Variants in HM13 observed in about 807,000 individuals in gnomAD.
HM13 encodes histocompatibility minor 13, also known as signal peptide peptidase.
A neutral mutation model predicts 50.0 loss-of-function variants in HM13; 18 were observed. The ratio of observed to expected loss-of-function variants is 0.36; its 90% CI spans 0.25 to 0.53. HM13 has a LOEUF of 0.53. HM13 is among the 20% of genes least tolerant of loss of function. HM13 has a pLI of 0.90. For synonymous variants in HM13, 197 were observed against 232.6 expected (o/e 0.85, Z 1.39); for missense variants, 393 against 552.4 (o/e 0.71, Z 2.89).
chr20:31,530,835 C>T (rs1453725331), intron 2 of HM13, among the ~76,000 whole-genome samples: 2 of 152,120 alleles, frequency 1.3e-5, no homozygotes, highest in East Asian at 3.9e-4. Flanking sequence ...ATAATTTGTG[C>T]ACTTATTTTC....
intron 2 of HM13, among the ~76,000 whole-genome samples, chr20:31,533,109 G>A (rs978079465): frequency 3.3e-5 from 5 of 152,300 alleles, no homozygotes; most frequent in African/African-American, 1.2e-4. Context: ...TGGTTGGTTT[G>A]CTTAACAGAA....
intron 12 of HM13, among the ~76,000 whole-genome samples, chr20:31,568,625 G>A (rs1235005856): frequency 6.6e-6 from 1 of 152,208 alleles, no homozygotes; most frequent in Non-Finnish European, 1.5e-5. Context: ...TCAGTTGCTT[G>A]AAAAATGAAG....
intron 11 of HM13, among the ~76,000 whole-genome samples, chr20:31,567,176 G>T (rs994075552): frequency 6.6e-6 from 1 of 152,166 alleles, no homozygotes; most frequent in Non-Finnish European, 1.5e-5. Context: ...AAAGCTCTGT[G>T]GTCTGAGGCA....
chr20:31,554,681 C>G (rs1218401375), intron 7 of HM13, 65 bp from the exon 8 acceptor site: 3 of 1,183,710 alleles, frequency 2.5e-6, no homozygotes, highest in Non-Finnish European at 3.6e-6. Flanking sequence ...GACTCCGTCT[C>G]AAAAAAAAAA....
At chr20:31,525,406 T>A (rs1982427600) in intron 1 of HM13, among the ~76,000 whole-genome samples, 1 of 152,196 alleles carries the variant, frequency 6.6e-6, no homozygotes. Context: ...GCCAAAATAT[T>A]TGTGAGTCTC....
intron 3 of HM13, chr20:31,538,639 T>A: frequency 1.7e-6 from 2 of 1,174,962 alleles, no homozygotes; most frequent in Non-Finnish European, 2.1e-6. Flanking sequence ...CATGATCGTG[T>A]TTCGTAAGGA....
At chr20:31,551,122 TCAAA>T (rs1984015512) in intron 7 of HM13, among the ~76,000 whole-genome samples, 1 of 152,240 alleles carries the variant, frequency 6.6e-6, no homozygotes, top group African/African-American at 2.4e-5. Flanking sequence ...ATTCCAGAAT[TCAAA>T]CAAAGTTTGA....
chr20:31,554,796 G>C lies in HM13; in HGVS notation c.775G>C (p.Ala259Pro). The C allele has an allele frequency of 6.2e-7, 1 of 1,614,146 alleles. No homozygotes were observed. Among genetic ancestry groups the C allele is most frequent in the Non-Finnish European group, 8.5e-7 (1 of 1,179,990 alleles). Residue 259 changes from alanine (A) to proline (P), a missense_variant, in exon 8 of 13, where the codon GCC becomes CCC. Physicochemically the swap from Ala to Pro is conservative, Grantham distance 27. This residue lies in a region of HM13 where 74 missense variants were observed against 160.4 expected (regional missense o/e 0.46). Transcript: ENST00000398174. ...GAAAGGCCTCGAAGCAAACAACTTTGCCATGCTGGGACTTGGAGATGTCGT... is the reference window on the plus strand; with the variant it reads ...GAAAGGCCTCGAAGCAAACAACTTTCCCATGCTGGGACTTGGAGATGTCGT... ...LEKGLEANNFAMLGLGDVVIP... is the reference protein window; with the variant it reads ...LEKGLEANNFPMLGLGDVVIP...
chr20:31,548,774 G>A (rs888451011), intron 4 of HM13: 41 of 523,004 alleles, frequency 7.8e-5, no homozygotes, highest in Non-Finnish European at 1.2e-4. Context: ...ACCACTTCCC[G>A]CTGACACTGT....
intron 2 of HM13, among the ~76,000 whole-genome samples, chr20:31,528,463 C>T (rs540557033): frequency 3.3e-5 from 5 of 151,876 alleles, no homozygotes; most frequent in South Asian, 2.1e-4. Flanking sequence ...ATTATAGGCA[C>T]GCACCACCAC....
At chr20:31,562,360 G>A (rs1396881724) in intron 10 of HM13, 2 of 155,740 alleles carry the variant, frequency 1.3e-5, no homozygotes, top group African/African-American at 4.8e-5. Flanking sequence ...GCTCCTGTTT[G>A]TTAAGCACTT....
rs1983263140 is a variant in HM13, at chr20:31,538,699, C to T, written c.365+438C>T. ...TAGGAGCGTGGGCTCTGGCATTTGA[C>T]TACCTTACTTTGAGTCCAGACTCTG... On this transcript the variant is annotated intron_variant, in intron 3 of 12. Transcript: ENST00000398174. 3 of 1,032,164 alleles carry T rather than the reference C, an allele frequency of 2.9e-6. No homozygotes were observed. The South Asian group carries it at 1.4e-4, about 47-fold the overall frequency. The allele number at this position is 1,032,164 out of a possible 1,614,324, so 63.9% of individuals were successfully genotyped here. A position where few individuals can be genotyped will look rare whatever the true frequency, so the allele number is the denominator to read the frequency against.
chr20:31,560,677 G>A (rs1482233904), intron 9 of HM13, among the ~76,000 whole-genome samples: 1 of 152,218 alleles, frequency 6.6e-6, no homozygotes, highest in Non-Finnish European at 1.5e-5. Context: ...AGATTCAACT[G>A]CCAGCACCCT....
At chr20:31,519,489 T>C (rs898258331) in intron 1 of HM13, among the ~76,000 whole-genome samples, 2 of 152,214 alleles carry the variant, frequency 1.3e-5, no homozygotes, top group African/African-American at 4.8e-5. Context: ...GTGTGTTCTT[T>C]AACAGCTGTA....
chr20:31,545,014 G>A lies in HM13; in HGVS notation c.433G>A (p.Gly145Ser), dbSNP rs1408971445. 13 of 1,614,188 alleles carry A rather than the reference G, an allele frequency of 8.1e-6. No homozygotes were observed. The highest frequency in any genetic ancestry group is 1.1e-5 in the Non-Finnish European group (13 of 1,180,010). ...NRQYQLLFTQ[G>S]SGENKEEIIN... ...ACAGTACCAGCTGCTCTTCACACAG[G>A]GTTCTGGGGAAAACAAGGAAGGTCA... is the stretch of plus-strand genomic sequence containing the variant. Residue 145 changes from glycine to serine, a missense_variant, in exon 4 of 13, where the codon GGT becomes AGT. Physicochemically the swap from Gly to Ser is moderately conservative, Grantham distance 56. Transcript: ENST00000398174.
intron 8 of HM13, among the ~76,000 whole-genome samples, chr20:31,558,316 C>T (rs535931595): frequency 2.6e-5 from 4 of 152,180 alleles, no homozygotes; most frequent in Admixed American, 2.6e-4. Flanking sequence ...CCTCCAGCCA[C>T]GCACTGCCAC....
chr20:31,551,443 G>A (rs1984029725), intron 7 of HM13, among the ~76,000 whole-genome samples: 1 of 152,140 alleles, frequency 6.6e-6, no homozygotes, highest in Admixed American at 6.5e-5. Context: ...TCTCAGGGAG[G>A]GATGGTTTTT....
intron 8 of HM13, among the ~76,000 whole-genome samples, chr20:31,558,038 T>C (rs1398020946): frequency 6.6e-6 from 1 of 152,214 alleles, no homozygotes; most frequent in Non-Finnish European, 1.5e-5. Context: ...TTCCTTCAAG[T>C]AAATGAGACT....
intron 4 of HM13, 38 bp from the exon 5 acceptor site, chr20:31,548,991 T>G: frequency 1.3e-6 from 2 of 1,579,386 alleles, no homozygotes; most frequent in South Asian, 2.2e-5. Context: ...GGGGTAGCCC[T>G]GCCTCAGGGA....
Sources: allele counts gnomAD v4.1 joint callset (sites outside exome capture counted in the v4.1 genomes callset), GRCh38; gene constraint gnomAD v4.1.1; regional missense constraint gnomAD v4.1.1; transcripts MANE v1.5; gene names NCBI Gene and HGNC (gene_info 2026-07-23, HGNC 2026-07-21).